SFI1: variants seen among roughly 807,000 people sequenced by gnomAD.
The protein encoded by SFI1 is SFI1 centrin binding protein, also known as protein SFI1 homolog.
In SFI1, 195 loss-of-function variants were observed where a neutral mutation model predicts 207.5. The ratio of observed to expected loss-of-function variants is 0.94; its 90% CI spans 0.84 to 1.06. The LOEUF is 1.06. Ranked by LOEUF, SFI1 falls within the 50% of genes least tolerant of loss-of-function variation. The pLI, the probability that SFI1 is intolerant of heterozygous loss-of-function variation, is 0.00. For missense variants in SFI1, 1,634 were observed against 1,588.0 expected, an observed-to-expected ratio of 1.03 and a Z score of -0.49; for synonymous variants, 630 against 598.9, an observed-to-expected ratio of 1.05 and a Z score of -0.76.
chr22:31,614,118 C>T, intron 27 of SFI1: 1 of 491,950 alleles, frequency 2.0e-6, no homozygotes, highest in South Asian at 3.8e-5. Context: ...GCAACACCTT[C>T]CTACCCTCTC....
chr22:31,530,342 T>G (rs1023403618), intron 3 of SFI1, among the ~76,000 whole-genome samples: 1 of 149,080 alleles, frequency 6.7e-6, no homozygotes, highest in Non-Finnish European at 1.5e-5. Context: ...TGCAAAAAAT[T>G]AGCCAGGTGC....
rs1174250579 is a variant in SFI1, at chr22:31,561,297, T to C, written c.670T>C (p.Trp224Arg). 4 of 1,613,788 alleles carry C rather than the reference T, an allele frequency of 2.5e-6. No homozygotes were observed. In the African/African-American group the frequency reaches 5.3e-5, roughly 22 times the overall value. ...FRQRIILRVW[W>R]STWRQRLGQV... ...TGATTTGCTGTTTCACAGGGTGTGGTGGAGCACGTGGAGGCAGCGACTAGG... is the reference window on the plus strand; with the variant it reads ...TGATTTGCTGTTTCACAGGGTGTGGCGGAGCACGTGGAGGCAGCGACTAGG... Residue 224 changes from tryptophan to arginine, a missense_variant, in exon 8 of 33, where the codon TGG (tryptophan) becomes CGG (arginine). By Grantham distance (101) the Trp-to-Arg change is moderately radical. Transcript: ENST00000400288.
intron 1 of SFI1, among the ~76,000 whole-genome samples, chr22:31,497,666 T>A (rs1404566058): frequency 7.4e-5 from 1 of 13,584 alleles, no homozygotes; most frequent in Non-Finnish European, 2.1e-4. Flanking sequence ...AAGCTAGAAA[T>A]GACGAAGCTA....
rs1367477107 is a variant in SFI1 at position 31,612,394 on chromosome 22, A to ATACATAT, written c.2490+554_2490+555insTACATAT. 1.4e-3 allele frequency: 149 copies of ATACATAT among 107,336 alleles called. 1 individual carries two copies. The highest frequency in any genetic ancestry group is 5.3e-3 in the African/African-American group (142 of 26,806). The allele number at this position is 107,336 out of a possible 1,614,324, so 6.6% of individuals were successfully genotyped here. On this transcript the variant is annotated intron_variant, in intron 24 of 32. Transcript: ENST00000400288. ...GACTCTGTCTAAAAAAAAAAAAAAAAAAAAATATATATATATATATATATA... is the reference window on the plus strand; with the variant it reads ...GACTCTGTCTAAAAAAAAAAAAAAAATACATATAAAAATATATATATATATATATATA...
intron 6 of SFI1, chr22:31,550,691 A>C: frequency 4.1e-6 from 1 of 243,216 alleles, no homozygotes; most frequent in Non-Finnish European, 8.1e-6. Flanking sequence ...TTGCCCAGAG[A>C]CTCTGGAGCA....
At position 31,614,880 on chromosome 22, in the gene SFI1, G is replaced by A. The variant is rs370535555; in HGVS notation, c.3068+20G>A. 72 of 1,612,218 alleles carry A rather than the reference G, an allele frequency of 4.5e-5. 1 individual carries two copies. The highest frequency in any genetic ancestry group is 1.1e-4 in the East Asian group (5 of 44,850). On this transcript the variant is annotated intron_variant, in intron 28 of 32. Coordinates refer to ENST00000400288, the MANE Select transcript of SFI1 (RefSeq NM_001007467.3). ...CCAGAGGTCCCTGGGGTGCAGCACC[G>A]TGGGCAGGCAGGGGGAGATGGTCAG...
At chr22:31,595,412 A>G (rs571043499) in intron 15 of SFI1, among the ~76,000 whole-genome samples, 1 of 152,256 alleles carries the variant, frequency 6.6e-6, no homozygotes, top group African/African-American at 2.4e-5. Context: ...CATTATCTTC[A>G]TTAATAATTT....
Position 31,521,764 on chromosome 22 carries a change from C to CT in SFI1, c.93-6917dup, listed in dbSNP as rs202013466. ...AAAAAACTTACTATTTTATTTTAAC[C>CT]TTTTTTTTTCTTTTTTTTTGAGACA... is the stretch of plus-strand genomic sequence containing the variant. On this transcript the variant is annotated intron_variant, in intron 2 of 32. Transcript: ENST00000400288. Among the ~76,000 whole-genome samples the CT allele has an allele frequency of 5.2e-4, 78 of 150,846 alleles. 1 individual carries two copies. In the East Asian group the frequency reaches 0.013, roughly 26 times the overall value.
At chr22:31,603,565 C>G (rs1001546623) in intron 17 of SFI1, among the ~76,000 whole-genome samples, 179 bp from the exon 18 acceptor site, 1 of 152,166 alleles carries the variant, frequency 6.6e-6, no homozygotes, top group African/African-American at 2.4e-5. Context: ...AGTTGTAGGC[C>G]AAAATTTGAT....
rs1452370929 is a variant in SFI1, at chr22:31,604,775, A to G, written c.1978-94A>G. The stretch of plus-strand genomic sequence containing the variant: ...CCTACCCTTTTTGAGTTCTCTGGGC[A>G]TGGCAGCCTTGTGGTAGATGCACCT... On this transcript the variant is annotated intron_variant, in intron 19 of 32. Transcript: ENST00000400288. 9.4e-6 allele frequency: 11 copies of G among 1,165,768 alleles called. No homozygotes were observed. In the Admixed American group the frequency reaches 2.6e-4, roughly 28 times the overall value. 72.2% of individuals were successfully genotyped at this position (1,165,768 alleles called of 1,614,324 possible).
Position 31,618,334 on chromosome 22 carries a change from G to A in SFI1, c.3645G>A (p.Leu1215=), listed in dbSNP as rs759386275. 6.8e-6 allele frequency: 11 copies of A among 1,609,974 alleles called. No homozygotes were observed. The highest frequency in any genetic ancestry group is 6.6e-5 in the South Asian group (6 of 90,874). Reference sequence around the variant, plus strand: ...CCCAGGTGGAAATGCAGATCCAGCTGCTGGCAGAGGAGCTCCAGGCTCAGC... The same window carrying A: ...CCCAGGTGGAAATGCAGATCCAGCTACTGGCAGAGGAGCTCCAGGCTCAGC... The part of the protein sequence containing the change: ...ELEQVEMQIQ[L]LAEELQAQRQ... The change falls in exon 33 of 33, where the codon CTG becomes CTA. Residue 1215 remains leucine, a synonymous_variant. Transcript: ENST00000400288.
In SFI1 at chr22:31,618,154, G is replaced by A. The variant is rs540638351; in HGVS notation, c.3552G>A (p.Leu1184=). Residue 1184 remains leucine (L), a synonymous_variant, in exon 32 of 33, where the codon CTG becomes CTA. Transcript: ENST00000400288. ...RRQASSLRRW[L]ELNREEPGPE... ...AAGCGAGCAGCCTGCGCAGGTGGCTGGAGCTGAACAGAGAGGAGCCGGGGC... is the reference window on the plus strand; with the variant it reads ...AAGCGAGCAGCCTGCGCAGGTGGCTAGAGCTGAACAGAGAGGAGCCGGGGC... 1.3e-6 allele frequency: 2 copies of A among 1,590,344 alleles called. No homozygotes were observed. The highest frequency in any genetic ancestry group is 1.1e-5 in the South Asian group (1 of 87,036).
intron 10 of SFI1, among the ~76,000 whole-genome samples, chr22:31,575,660 G>A (rs2063402846): frequency 6.6e-6 from 1 of 152,082 alleles, no homozygotes; most frequent in African/African-American, 2.4e-5. Context: ...ACACCTATTT[G>A]CTCCTCCCTG....
Position 31,606,387 on chromosome 22 carries a change from C to T in SFI1, c.2114C>T (p.Thr705Ile). ...TMARVDEAKK[T>I]FQASTHYRRT... is the part of the protein sequence containing the mutation. ...GCCCGAGTGGATGAAGCCAAAAAAA[C>T]CTTTCAAGCAAGTACTCATTACAGA... The change falls in exon 21 of 33, where the codon ACC (threonine) becomes ATC (isoleucine). Residue 705 changes from threonine to isoleucine, a missense_variant. Thr to Ile is a moderately conservative substitution (Grantham distance 89, BLOSUM62 -1). Transcript: ENST00000400288. 1.2e-6 allele frequency: 2 copies of T among 1,613,870 alleles called. No individual in the cohort carries two copies. Among genetic ancestry groups the T allele is most frequent in the South Asian group, 1.1e-5 (1 of 91,082 alleles).
chr22:31,597,001 ACG>A lies in SFI1; in HGVS notation c.1545-5209_1545-5208del, dbSNP rs1569429903. 1.8e-3 allele frequency among the ~76,000 whole-genome samples: 3 copies of A among 1,676 alleles called. 1 individual carries two copies. The highest frequency in any genetic ancestry group is 3.2e-3 in the African/African-American group (3 of 938). The allele number at this position is 1,676 out of a possible 152,430, so 1.1% of individuals were successfully genotyped here. A position where few individuals can be genotyped will look rare whatever the true frequency, so the allele number is the denominator to read the frequency against. On this transcript the variant is annotated intron_variant, in intron 15 of 32. Coordinates refer to ENST00000400288, the MANE Select transcript of SFI1 (RefSeq NM_001007467.3). ...TCTAAATGGCTTCAGTACTGAAGAC[ACG>A]CACACACGGTACCCGTTTCTAAATG... is the stretch of plus-strand genomic sequence containing the variant.
At chr22:31,598,980 G>C (rs1288689678) in intron 15 of SFI1, among the ~76,000 whole-genome samples, 1 of 149,780 alleles carries the variant, frequency 6.7e-6, no homozygotes, top group Non-Finnish European at 1.5e-5. Context: ...TTTTAGTAGA[G>C]ACGGGGTTTC....
chr22:31,532,368 G>A (rs933735957), intron 4 of SFI1, among the ~76,000 whole-genome samples: 4 of 152,174 alleles, frequency 2.6e-5, no homozygotes, highest in African/African-American at 9.7e-5. Flanking sequence ...GCTAAGAGTG[G>A]ACTGCAAGAG....
At chr22:31,590,255 C>G (rs999771176) in intron 15 of SFI1, among the ~76,000 whole-genome samples, 1 of 151,932 alleles carries the variant, frequency 6.6e-6, no homozygotes, top group African/African-American at 2.4e-5. Flanking sequence ...AATCTGGGCA[C>G]CCAGTGGCCC....
chr22:31,565,588 A>C (rs1011756499), intron 8 of SFI1, among the ~76,000 whole-genome samples: 1 of 151,916 alleles, frequency 6.6e-6, no homozygotes, highest in Admixed American at 6.6e-5. Context: ...TGTCCCAGCT[A>C]CTTGGGAGGC....
Sources: allele counts gnomAD v4.1 joint callset (sites outside exome capture counted in the v4.1 genomes callset), GRCh38; gene constraint gnomAD v4.1.1; transcripts MANE v1.5; gene names NCBI Gene and HGNC (gene_info 2026-07-23, HGNC 2026-07-21).